MAST4: variants seen among roughly 807,000 people sequenced by gnomAD.
MAST4 encodes the protein microtubule associated serine/threonine kinase family member 4.
MAST4 carries 89 observed loss-of-function variants against 162.7 expected under a neutral mutation model. That is an observed-to-expected ratio of 0.55 (90% CI 0.46 to 0.65). The LOEUF is 0.65. MAST4 is among the 30% of genes least tolerant of loss of function. MAST4 has a pLI of 0.00. For missense variants in MAST4, 3,153 were observed against 3,374.0 expected (o/e 0.93, Z 1.62); for synonymous variants, 1,479 against 1,361.1 (o/e 1.09, Z -1.91).
At chr5:66,903,422 A>G (rs1025227517) in intron 4 of MAST4, among the ~76,000 whole-genome samples, 1 of 145,682 alleles carries the variant, frequency 6.9e-6, no homozygotes, top group Non-Finnish European at 1.5e-5. Context: ...TGATGTAAAC[A>G]TTCTCACACC....
intron 1 of MAST4, among the ~76,000 whole-genome samples, chr5:66,686,428 A>T (rs1355849528): frequency 6.6e-6 from 1 of 152,206 alleles, no homozygotes; most frequent in African/African-American, 2.4e-5. Flanking sequence ...AGTCCTAACA[A>T]ATTTGCTAAT....
intron 5 of MAST4, among the ~76,000 whole-genome samples, chr5:67,064,507 T>C (rs375798402): frequency 6.6e-6 from 1 of 152,226 alleles, no homozygotes; most frequent in African/African-American, 2.4e-5. Context: ...GGAGTCTTCC[T>C]TAATACTGAA....
At chr5:66,997,224 T>C (rs1352868243) in intron 4 of MAST4, among the ~76,000 whole-genome samples, 2 of 152,056 alleles carry the variant, frequency 1.3e-5, no homozygotes, top group Non-Finnish European at 2.9e-5. Context: ...CATGTACACA[T>C]ATGTGCCTAC....
In MAST4 at chr5:66,953,209, C is replaced by T. The variant is rs182686494; in HGVS notation, c.674+53227C>T. Among the ~76,000 whole-genome samples, 159 of 152,220 alleles carry T rather than the reference C, an allele frequency of 1.0e-3. 3 individuals carry two copies. Among genetic ancestry groups the T allele is most frequent in the Admixed American group, 8.4e-3 (128 of 15,288 alleles). On this transcript the variant is annotated intron_variant, in intron 4 of 28. Coordinates refer to ENST00000403625, the MANE Select transcript of MAST4 (RefSeq NM_001164664.2). ...TAAATAATTGAACATTCAGGGAACA[C>T]GATTGCCCTAAGATTTTGTGTGTTC...
At chr5:66,621,280 C>G (rs1744059945) in intron 1 of MAST4, among the ~76,000 whole-genome samples, 1 of 152,186 alleles carries the variant, frequency 6.6e-6, no homozygotes, top group Admixed American at 6.5e-5. Context: ...TGTAAGGCAA[C>G]TTAAATGGCA....
intron 1 of MAST4, among the ~76,000 whole-genome samples, chr5:66,655,175 G>C (rs768033296): frequency 3.3e-4 from 50 of 152,058 alleles, no homozygotes; most frequent in Non-Finnish European, 6.8e-4. Context: ...TTAGAACTTT[G>C]GTGTTAAGTG....
chr5:66,674,005 A>G (rs1320957903), intron 1 of MAST4, among the ~76,000 whole-genome samples: 1 of 152,250 alleles, frequency 6.6e-6, no homozygotes, highest in Non-Finnish European at 1.5e-5. Context: ...AAAGTCTGAA[A>G]AAGTAATGAG....
chr5:66,780,931 C>G (rs1460426932), intron 2 of MAST4, among the ~76,000 whole-genome samples: 1 of 152,212 alleles, frequency 6.6e-6, no homozygotes, highest in African/African-American at 2.4e-5. Context: ...CCCACTCAGC[C>G]CAGGAAGGTC....
At chr5:66,954,801 T>A (rs1367172136) in intron 4 of MAST4, among the ~76,000 whole-genome samples, 1 of 151,804 alleles carries the variant, frequency 6.6e-6, no homozygotes, top group Non-Finnish European at 1.5e-5. Flanking sequence ...CTCAGGAGAC[T>A]GAGATAGGAG....
intron 6 of MAST4, among the ~76,000 whole-genome samples, chr5:67,090,906 T>C (rs900751613): frequency 1.3e-5 from 2 of 152,016 alleles, no homozygotes; most frequent in African/African-American, 4.8e-5. Context: ...ATGCAATCCT[T>C]CACCTTCCTG....
At chr5:67,108,752 A>G (rs1202107509) in intron 10 of MAST4, among the ~76,000 whole-genome samples, 11 of 152,130 alleles carry the variant, frequency 7.2e-5, no homozygotes, top group Non-Finnish European at 1.6e-4. Context: ...TTCAGCAGAC[A>G]TATTACTTCT....
In MAST4 at chr5:67,165,945, T is replaced by G. The variant is rs763852956; in HGVS notation, c.6766T>G (p.Ser2256Ala). 1 of 1,613,272 alleles carries G rather than the reference T, an allele frequency of 6.2e-7. No homozygotes were observed. Among genetic ancestry groups the G allele is most frequent in the Non-Finnish European group, 8.5e-7 (1 of 1,179,792 alleles). Residue 2256 changes from serine to alanine, a missense_variant, in exon 29 of 29, where the codon TCC (serine) becomes GCC (alanine). Around this residue, in one of 7 missense-constraint regions of MAST4, gnomAD observed 1,644 missense variants for 1,495.0 expected, o/e 1.10. Transcript: ENST00000403625. ...GPDVFPATPGSQNKASDGIGQ... is the reference protein window; with the variant it reads ...GPDVFPATPGAQNKASDGIGQ... The stretch of plus-strand genomic sequence containing the variant: ...GGATGTGTTTCCTGCTACCCCAGGC[T>G]CCCAGAACAAAGCCAGCGATGGGAT...
chr5:66,996,285 A>AAT (rs373367464), intron 4 of MAST4, among the ~76,000 whole-genome samples: 16,167 of 151,608 alleles, frequency 0.11, 1,125 homozygotes, highest in Non-Finnish European at 0.16. Context: ...ATCTCAAAAA[A>AAT]ATATATATAT....
intron 1 of MAST4, among the ~76,000 whole-genome samples, chr5:66,653,609 G>A (rs1255406744): frequency 6.6e-6 from 1 of 152,190 alleles, no homozygotes; most frequent in African/African-American, 2.4e-5. Context: ...TCTCACATGT[G>A]TCATTTCCAG....
chr5:66,873,868 G>A (rs1237075792), intron 3 of MAST4, among the ~76,000 whole-genome samples: 1 of 152,090 alleles, frequency 6.6e-6, no homozygotes, highest in African/African-American at 2.4e-5. Context: ...ATTATTATTA[G>A]GCAGTCTTCT....
chr5:66,980,146 T>C (rs2016216782), intron 4 of MAST4, among the ~76,000 whole-genome samples: 1 of 152,144 alleles, frequency 6.6e-6, no homozygotes, highest in Non-Finnish European at 1.5e-5. Context: ...GTAGATGAAA[T>C]TTACTGTCTC....
chr5:66,609,705 G>GTTTTTTTT (rs77135146), intron 1 of MAST4, among the ~76,000 whole-genome samples: 1 of 106,750 alleles, frequency 9.4e-6, no homozygotes, highest in African/African-American at 3.0e-5. Context: ...TTTTTTTTTT[G>GTTTTTTTT]TTTTTTTTTT....
intron 1 of MAST4, among the ~76,000 whole-genome samples, chr5:66,647,783 G>C (rs187997202): frequency 2.7e-4 from 41 of 152,026 alleles, no homozygotes; most frequent in African/African-American, 9.7e-4. Context: ...GGCCATAAAT[G>C]CTTCTTGAGA....
intron 4 of MAST4, among the ~76,000 whole-genome samples, chr5:66,979,956 G>A (rs1472951618): frequency 1.3e-5 from 2 of 152,176 alleles, no homozygotes; most frequent in South Asian, 2.1e-4. Flanking sequence ...TCTGAATGAT[G>A]TCATCTTTAA....
Sources: gnomAD v4.1 joint callset for allele counts (sites outside exome capture counted in the v4.1 genomes callset) on GRCh38, gnomAD v4.1.1 for gene constraint, gnomAD v4.1.1 regional missense constraint, MANE v1.5 for transcripts, NCBI Gene and HGNC (gene_info 2026-07-23, HGNC 2026-07-21) for gene names.